The following WNK1 variants were observed in gnomAD, a reference collection of about 807,000 sequenced individuals.
WNK1 encodes serine/threonine-protein kinase WNK1.
A neutral mutation model predicts 222.8 loss-of-function variants in WNK1; 38 were observed. That is an observed-to-expected ratio of 0.17 (90% CI 0.13 to 0.22). The LOEUF (loss-of-function observed/expected upper bound fraction) is 0.22. Ranked by LOEUF, WNK1 falls within the 10% of genes least tolerant of loss-of-function variation. The pLI is 1.00. For synonymous variants in WNK1, 1,090 were observed against 1,092.9 expected (o/e 1.00, Z 0.05); for missense variants, 2,348 against 2,918.4 (o/e 0.80, Z 4.50).
chr12:776,565 G>A (rs1042548656), intron 1 of WNK1, among the ~76,000 whole-genome samples: 11 of 151,776 alleles, frequency 7.2e-5, no homozygotes, highest in Non-Finnish European at 1.6e-4. Flanking sequence ...CGAGTAGCTG[G>A]GACTACAGGT....
At chr12:812,045 T>G (rs1032117642) in intron 1 of WNK1, among the ~76,000 whole-genome samples, 12 of 152,206 alleles carry the variant, frequency 7.9e-5, no homozygotes, top group African/African-American at 2.9e-4. Flanking sequence ...TAAATACGGA[T>G]TTTTGATGGC....
chr12:895,944 TAA>T lies in WNK1; in HGVS notation c.5584-125_5584-124del, dbSNP rs1272520663. On this transcript the variant is annotated intron_variant, in intron 23 of 27. Coordinates refer to ENST00000315939, the MANE Select transcript of WNK1 (RefSeq NM_018979.4). ...CCTAGTCAAAAGTGGAGGCGCTATG[TAA>T]AGAGACAATCAGCCTACTCTTTGAC... The T allele has an allele frequency of 5.5e-6, 7 of 1,284,108 alleles. No individual in the cohort carries two copies. The African/African-American group carries it at 8.9e-5, about 16-fold the overall frequency. The allele number at this position is 1,284,108 out of a possible 1,614,324, so 79.5% of individuals were successfully genotyped here. A position where few individuals can be genotyped will look rare whatever the true frequency, so the allele number is the denominator to read the frequency against.
chr12:846,964 CTA>C (rs1950068145), intron 4 of WNK1, among the ~76,000 whole-genome samples: 1 of 152,098 alleles, frequency 6.6e-6, no homozygotes, highest in East Asian at 1.9e-4. Flanking sequence ...AATTTTGTTT[CTA>C]TGTCTATCCA....
chr12:904,626 T>C (rs772582200), intron 26 of WNK1: 16 of 567,670 alleles, frequency 2.8e-5, no homozygotes, highest in Non-Finnish European at 4.0e-5. Flanking sequence ...CTAATAAATA[T>C]TTAACATGCT....
intron 1 of WNK1, among the ~76,000 whole-genome samples, chr12:810,437 T>C (rs1021089030): frequency 1.3e-5 from 2 of 152,198 alleles, no homozygotes; most frequent in Non-Finnish European, 2.9e-5. Context: ...ATTTTGAATA[T>C]TGCACATATA....
chr12:864,127 T>TTTTTTTTTTTTTTTTTTA (rs1951436361), intron 8 of WNK1, among the ~76,000 whole-genome samples: 1 of 151,226 alleles, frequency 6.6e-6, no homozygotes, highest in African/African-American at 2.4e-5. Flanking sequence ...TTTTTTTTTT[T>TTTTTTTTTTTTTTTTTTA]GACAGCGTCT....
At position 889,173 on chromosome 12, in the gene WNK1, T is replaced by C. The variant is rs549616989; in HGVS notation, c.5398T>C (p.Leu1800=). Reference sequence around the variant, plus strand: ...ACCTCTAGAGGATCTTGATGCTCAATTGAGAAGAACACTTAGTCCAGAGAT... The same window carrying C: ...ACCTCTAGAGGATCTTGATGCTCAACTGAGAAGAACACTTAGTCCAGAGAT... The part of the protein sequence containing the change: ...QQPLEDLDAQ[L]RRTLSPEMIT... Residue 1800 remains leucine (L), a synonymous_variant, in exon 21 of 28, where the codon TTG becomes CTG. Transcript: ENST00000315939. 2.2e-5 allele frequency: 36 copies of C among 1,614,156 alleles called. No homozygotes were observed. In the South Asian group the frequency reaches 3.4e-4, roughly 15 times the overall value.
Position 896,562 on chromosome 12 carries a change from T to C in WNK1, c.6075T>C (p.Asp2025=), listed in dbSNP as rs752536647. ...CTTTTTTAAGTAGGGATGTGGATGA[T>C]GGTTCCGGTAGTCCACACTCGCCCC... ...EAAFLSRDVD[D]GSGSPHSPHQ... The change falls in exon 24 of 28, where the codon GAT becomes GAC. Residue 2025 remains aspartate, a synonymous_variant. Transcript: ENST00000315939. 6.2e-7 allele frequency: 1 copy of C among 1,613,242 alleles called. No individual in the cohort carries two copies. The highest frequency in any genetic ancestry group is 8.5e-7 in the Non-Finnish European group (1 of 1,179,828).
intron 9 of WNK1, 103 bp from the exon 10 acceptor site, chr12:878,109 C>A (rs1952790968): frequency 5.5e-6 from 8 of 1,447,980 alleles, no homozygotes; most frequent in East Asian, 4.7e-5. Flanking sequence ...TTACTAAAAT[C>A]ATCATTATTT....
chr12:897,760 A>G, intron 25 of WNK1, 79 bp downstream of exon 25: 1 of 1,457,684 alleles, frequency 6.9e-7, no homozygotes, highest in South Asian at 1.2e-5. Flanking sequence ...CCTGCTGAAC[A>G]TTTGTTGTTT....
chr12:851,001 A>G lies in WNK1; in HGVS notation c.1312-6160A>G, dbSNP rs919372768. Among the ~76,000 whole-genome samples the G allele has an allele frequency of 2.6e-5, 4 of 152,260 alleles. No individual in the cohort carries two copies. In the South Asian group the frequency reaches 8.3e-4, roughly 32 times the overall value. ...TAGTAATACTGTTGATTTTTAAAAA[A>G]TGTTCTGTGAAAGAGTAGTAAAGTA... is the stretch of plus-strand genomic sequence containing the variant. On this transcript the variant is annotated intron_variant, in intron 4 of 27. Coordinates refer to ENST00000315939, the MANE Select transcript of WNK1 (RefSeq NM_018979.4).
chr12:859,687 A>T, intron 6 of WNK1, among the ~76,000 whole-genome samples: 1 of 142,742 alleles, frequency 7.0e-6, no homozygotes. Flanking sequence ...GTTAGATTTT[A>T]TAGTCCTTTT....
intron 1 of WNK1, among the ~76,000 whole-genome samples, chr12:779,779 A>G (rs1943511400): frequency 6.6e-6 from 1 of 152,082 alleles, no homozygotes; most frequent in Non-Finnish European, 1.5e-5. Context: ...AAAATAATGG[A>G]TTTTTTTGGT....
At chr12:859,858 G>A (rs1951072758) in intron 6 of WNK1, among the ~76,000 whole-genome samples, 1 of 151,728 alleles carries the variant, frequency 6.6e-6, no homozygotes, top group African/African-American at 2.4e-5. Context: ...TGGGACCATA[G>A]GGACGTGCCA....
intron 1 of WNK1, among the ~76,000 whole-genome samples, chr12:773,449 A>G (rs1942766626): frequency 6.6e-6 from 1 of 152,198 alleles, no homozygotes. Flanking sequence ...TTCTTAATGC[A>G]TTTAAAAGGA....
At chr12:767,817 T>C (rs1008496786) in intron 1 of WNK1, among the ~76,000 whole-genome samples, 1 of 152,134 alleles carries the variant, frequency 6.6e-6, no homozygotes, top group African/African-American at 2.4e-5. Context: ...TCTGCATACT[T>C]CTACACACCT....
intron 4 of WNK1, among the ~76,000 whole-genome samples, chr12:831,262 GC>G (rs1320752480): frequency 6.6e-6 from 1 of 152,116 alleles, no homozygotes; most frequent in Non-Finnish European, 1.5e-5. Flanking sequence ...GTAGGGCCGG[GC>G]GTGGTGGCTT....
At chr12:846,984 T>C (rs1042627698) in intron 4 of WNK1, among the ~76,000 whole-genome samples, 2 of 152,222 alleles carry the variant, frequency 1.3e-5, no homozygotes, top group African/African-American at 4.8e-5. Context: ...CCAGCAAATT[T>C]AGGTTATAAT....
intron 1 of WNK1, among the ~76,000 whole-genome samples, chr12:766,979 G>A (rs1941790903): frequency 6.6e-6 from 1 of 151,946 alleles, no homozygotes; most frequent in African/African-American, 2.4e-5. Flanking sequence ...GTTTCAACAT[G>A]TTGGCCAGGC....
Sources: allele counts gnomAD v4.1 joint callset (sites outside exome capture counted in the v4.1 genomes callset), GRCh38; gene constraint gnomAD v4.1.1; transcripts MANE v1.5; gene names NCBI Gene and HGNC (gene_info 2026-07-23, HGNC 2026-07-21).